Variants in MARK1 observed in about 807,000 individuals in gnomAD.
MARK1 encodes the protein microtubule affinity regulating kinase 1, also known as serine/threonine-protein kinase MARK1.
MARK1 carries 40 observed loss-of-function variants against 96.3 expected under a neutral mutation model. The ratio of observed to expected loss-of-function variants is 0.42; its 90% CI spans 0.32 to 0.54. The LOEUF (loss-of-function observed/expected upper bound fraction) is 0.54. Among genes scored for constraint, MARK1 ranks in the 20% least tolerant of loss-of-function variants. MARK1 has a pLI of 0.16. For synonymous variants in MARK1, 317 were observed against 341.2 expected (o/e 0.93, Z 0.78); for missense variants, 719 against 984.6 (o/e 0.73, Z 3.61).
intron 13 of MARK1, among the ~76,000 whole-genome samples, chr1:220,650,263 T>C (rs908315448): frequency 5.9e-5 from 9 of 152,166 alleles, no homozygotes; most frequent in African/African-American, 2.2e-4. Flanking sequence ...TGATACTTAG[T>C]GTGGAGTTGG....
chr1:220,645,738 G>A (rs536954690), intron 13 of MARK1, among the ~76,000 whole-genome samples: 2 of 152,276 alleles, frequency 1.3e-5, no homozygotes, highest in South Asian at 2.1e-4. Context: ...CAGGATGCAA[G>A]GCTGGTTCAA....
At position 220,528,800 on chromosome 1, in the gene MARK1, C is replaced by T. The variant is rs1452322200; in HGVS notation, c.-23C>T. On this transcript the variant is annotated 5_prime_UTR_variant, in exon 1 of 18. Coordinates refer to ENST00000366917, the MANE Select transcript of MARK1 (RefSeq NM_018650.5). ...CACAGCCCGGCCGGCGAGACCCCGG[C>T]CAGACCCCGCTGCCCGCACAAAATG... 6.5e-7 allele frequency: 1 copy of T among 1,548,052 alleles called. No homozygotes were observed. The highest frequency in any genetic ancestry group is 8.7e-7 in the Non-Finnish European group (1 of 1,145,956).
intron 9 of MARK1, chr1:220,627,524 A>G (rs1043737715): frequency 2.6e-6 from 1 of 378,106 alleles, no homozygotes; most frequent in African/African-American, 2.1e-5. Context: ...TATGCTTTCT[A>G]TTTCTCTGTG....
At chr1:220,600,416 A>G (rs113336031) in intron 5 of MARK1, among the ~76,000 whole-genome samples, 96 of 152,322 alleles carry the variant, frequency 6.3e-4, no homozygotes, top group Middle Eastern at 6.8e-3. Context: ...ATGCATTTGT[A>G]GTAGAATATC....
intron 3 of MARK1, among the ~76,000 whole-genome samples, chr1:220,584,624 A>G (rs2102855469): frequency 6.6e-6 from 1 of 152,368 alleles, no homozygotes; most frequent in Middle Eastern, 3.4e-3. Context: ...TAAGTTTTCC[A>G]GATTATCTGC....
At chr1:220,536,696 T>C (rs1225056163) in intron 1 of MARK1, among the ~76,000 whole-genome samples, 3 of 152,130 alleles carry the variant, frequency 2.0e-5, no homozygotes, top group Admixed American at 6.5e-5. Flanking sequence ...GCTGAGATTA[T>C]AGGCACACGC....
At chr1:220,614,004 TG>T (rs1666599737) in intron 6 of MARK1, among the ~76,000 whole-genome samples, 1 of 151,898 alleles carries the variant, frequency 6.6e-6, no homozygotes, top group Admixed American at 6.6e-5. Context: ...TTGGTCTGTT[TG>T]TTTGTTTGTT....
intron 6 of MARK1, among the ~76,000 whole-genome samples, chr1:220,608,437 TTC>T (rs1279477850): frequency 6.6e-6 from 1 of 152,206 alleles, no homozygotes; most frequent in Non-Finnish European, 1.5e-5. Flanking sequence ...TATTTGATTC[TTC>T]TCTCTTTTCT....
chr1:220,590,647 T>A (rs957129662), intron 3 of MARK1, among the ~76,000 whole-genome samples: 14 of 152,124 alleles, frequency 9.2e-5, no homozygotes, highest in African/African-American at 3.4e-4. Context: ...TTCAAGTGTT[T>A]CTTTGTGAGG....
chr1:220,540,295 T>A (rs1490363474), intron 1 of MARK1, among the ~76,000 whole-genome samples: 1 of 152,200 alleles, frequency 6.6e-6, no homozygotes, highest in Non-Finnish European at 1.5e-5. Flanking sequence ...AACCAGTAGC[T>A]CTAATGCCTG....
chr1:220,618,643 G>A lies in MARK1; in HGVS notation c.797G>A (p.Arg266Gln), dbSNP rs760644296. 1.1e-5 allele frequency: 17 copies of A among 1,613,690 alleles called. No individual in the cohort carries two copies. Among genetic ancestry groups the A allele is most frequent in the African/African-American group, 2.7e-5 (2 of 75,010 alleles). ...PFDGQNLKEL[R>Q]ERVLRGKYRI... ...TCTTTCACTTTTATTAAGGAACTGC[G>A]AGAGCGAGTTTTACGAGGGAAGTAC... Residue 266 changes from arginine (R) to glutamine (Q), a missense_variant, in exon 9 of 18, where the codon CGA (arginine) becomes CAA (glutamine). This residue lies in a region of MARK1 where 96 missense variants were observed against 213.1 expected (regional missense o/e 0.45). Coordinates refer to ENST00000366917, the MANE Select transcript of MARK1 (RefSeq NM_018650.5). The surrounding 1 kb of genome is among the most constrained non-coding windows in gnomAD (Gnocchi z 4.6).
At chr1:220,655,904 A>T (rs1256103934) in intron 16 of MARK1, among the ~76,000 whole-genome samples, 1 of 151,968 alleles carries the variant, frequency 6.6e-6, no homozygotes, top group Non-Finnish European at 1.5e-5. Context: ...TGCTGCTTCC[A>T]CACCAGCCAC....
chr1:220,528,649 G>T lies in MARK1; in HGVS notation c.-174G>T. ...AAGCGGCTCCCCCTCCTCTTCCTCC[G>T]CGTCCTCTTCCCTCTTTCCCCCGCC... On this transcript the variant is annotated 5_prime_UTR_variant, in exon 1 of 18. Transcript: ENST00000366917. 1 of 520,398 alleles carries T rather than the reference G, an allele frequency of 1.9e-6. No individual in the cohort carries two copies. Among genetic ancestry groups the T allele is most frequent in the Non-Finnish European group, 3.4e-6 (1 of 298,246 alleles). The allele number at this position is 520,398 out of a possible 1,614,324, so 32.2% of individuals were successfully genotyped here.
intron 3 of MARK1, among the ~76,000 whole-genome samples, chr1:220,582,654 C>G (rs1051326308): frequency 6.6e-6 from 1 of 152,166 alleles, no homozygotes; most frequent in Non-Finnish European, 1.5e-5. Context: ...AATGCGACTC[C>G]TACTCTGTCT....
intron 2 of MARK1, among the ~76,000 whole-genome samples, chr1:220,580,639 G>A (rs563981540): frequency 6.6e-6 from 1 of 152,290 alleles, no homozygotes; most frequent in Non-Finnish European, 1.5e-5. Flanking sequence ...AGATATTCAA[G>A]TCCATTTTGT....
intron 3 of MARK1, among the ~76,000 whole-genome samples, chr1:220,584,904 T>G (rs1182274887): frequency 6.6e-6 from 1 of 152,246 alleles, no homozygotes; most frequent in Non-Finnish European, 1.5e-5. Context: ...TATTTCACTC[T>G]ATAGCTGAAC....
intron 13 of MARK1, among the ~76,000 whole-genome samples, chr1:220,644,645 G>T (rs1196056716): frequency 6.6e-6 from 1 of 152,026 alleles, no homozygotes; most frequent in Admixed American, 6.6e-5. Flanking sequence ...TTGGTGCCAT[G>T]TGGCATTTAC....
chr1:220,561,198 C>T (rs1432137845), intron 1 of MARK1, among the ~76,000 whole-genome samples: 1 of 152,098 alleles, frequency 6.6e-6, no homozygotes, highest in African/African-American at 2.4e-5. Flanking sequence ...TTAAAGAAAG[C>T]TTTGAATATT....
At chr1:220,625,618 C>T (rs1667279447) in intron 9 of MARK1, 1 of 219,234 alleles carries the variant, frequency 4.6e-6, no homozygotes, top group African/African-American at 2.3e-5. Flanking sequence ...GGCAAATATC[C>T]TTGTCTTTTA....
Sources: allele counts gnomAD v4.1 joint callset (sites outside exome capture counted in the v4.1 genomes callset), GRCh38; gene constraint gnomAD v4.1.1; regional missense constraint gnomAD v4.1.1; non-coding constraint Gnocchi (gnomAD v3.1); transcripts MANE v1.5; gene names NCBI Gene and HGNC (gene_info 2026-07-23, HGNC 2026-07-21).